The following FMN1 variants were observed in gnomAD, a reference collection of about 807,000 sequenced individuals.
FMN1 encodes formin 1, also known as formin-1.
Under a neutral mutation model 132.4 loss-of-function variants are expected in FMN1, and 110 were observed. The ratio of observed to expected loss-of-function variants is 0.83; its 90% CI spans 0.71 to 0.97. The LOEUF is 0.97. Ranked by LOEUF, FMN1 falls within the 50% of genes least tolerant of loss-of-function variation. The probability of loss-of-function intolerance (pLI) is 0.00; values close to 1 mark genes in which losing one functional copy is unlikely to be tolerated. For synonymous variants in FMN1, 722 were observed against 651.7 expected (o/e 1.11, Z -1.64); for missense variants, 1,792 against 1,705.3 (o/e 1.05, Z -0.90).
intron 6 of FMN1, chr15:33,063,135 A>C (rs1464050887): frequency 6.6e-6 from 1 of 152,254 alleles, no homozygotes; most frequent in Non-Finnish European, 1.5e-5. Flanking sequence ...GGGATCTTCT[A>C]CGTGCTTCTC....
intron 17 of FMN1, among the ~76,000 whole-genome samples, chr15:32,822,382 G>A (rs2058243007): frequency 6.6e-6 from 1 of 151,914 alleles, no homozygotes; most frequent in African/African-American, 2.4e-5. Context: ...GATGATCTAC[G>A]ATTAGTAATC....
At position 33,153,714 on chromosome 15, in the gene FMN1, C is replaced by T. The variant is rs903991723; in HGVS notation, c.1201G>A (p.Gly401Arg). Residue 401 changes from glycine to arginine, a missense_variant, in exon 4 of 21, where the codon GGG becomes AGG. Gly to Arg is a moderately radical substitution (Grantham distance 125). Coordinates refer to ENST00000616417, the MANE Select transcript of FMN1 (RefSeq NM_001277313.2). ...ACACTAGAAATGGAGGCTGTTTCCC[C>T]GGCTGGCGACTGCGATGACCTATCC... ...QGDRSSQSPA[G>R]ETASISSVSA... The T allele has an allele frequency of 1.1e-5, 17 of 1,536,174 alleles. No homozygotes were observed. Among genetic ancestry groups the T allele is most frequent in the Middle Eastern group, 1.7e-4 (1 of 6,012 alleles).
At chr15:32,930,219 C>T (rs2061076048) in intron 9 of FMN1, among the ~76,000 whole-genome samples, 1 of 151,912 alleles carries the variant, frequency 6.6e-6, no homozygotes, top group African/African-American at 2.4e-5. Context: ...TATCTCCTGA[C>T]CTCATGATCT....
At chr15:32,893,369 C>CGTGTGT (rs148715603) in intron 15 of FMN1, among the ~76,000 whole-genome samples, 1 of 150,172 alleles carries the variant, frequency 6.7e-6, no homozygotes, top group African/African-American at 2.5e-5. Context: ...GTTTTGATTG[C>CGTGTGT]GTGTGTGTGT....
chr15:32,870,724 C>G (rs1265215083), intron 16 of FMN1, among the ~76,000 whole-genome samples: 3 of 152,068 alleles, frequency 2.0e-5, no homozygotes, highest in Non-Finnish European at 4.4e-5. Flanking sequence ...CATGACGAGG[C>G]CTAAATATAG....
At chr15:33,108,912 A>G (rs772986284) in intron 4 of FMN1, among the ~76,000 whole-genome samples, 69 of 152,124 alleles carry the variant, frequency 4.5e-4, no homozygotes, top group Non-Finnish European at 9.4e-4. Context: ...AATATTGATT[A>G]CCACTCTGCC....
rs1201533076 is a variant in FMN1 at position 32,943,960 on chromosome 15, GA to G, written c.3139-17700del. Among the ~76,000 whole-genome samples the G allele has an allele frequency of 5.3e-5, 8 of 152,204 alleles. No individual in the cohort carries two copies. The South Asian group carries it at 1.5e-3, about 28-fold the overall frequency. On this transcript the variant is annotated intron_variant, in intron 9 of 20. Transcript: ENST00000616417. ...CCTATGGATACAGGCCTTATGCACA[GA>G]AAAAAATCATGGGGGAACCAACTGG...
intron 3 of FMN1, among the ~76,000 whole-genome samples, chr15:33,174,873 G>A (rs754864953): frequency 3.3e-5 from 5 of 152,172 alleles, no homozygotes; most frequent in East Asian, 1.9e-4. Flanking sequence ...AACAAGCCAA[G>A]TGCAATTCTT....
intron 4 of FMN1, among the ~76,000 whole-genome samples, chr15:33,126,552 G>C (rs557080727): frequency 2.6e-5 from 4 of 152,050 alleles, no homozygotes; most frequent in African/African-American, 9.6e-5. Flanking sequence ...AAACTCCATA[G>C]ATTTAGCTGA....
At chr15:33,045,674 C>T (rs1395174471) in intron 6 of FMN1, among the ~76,000 whole-genome samples, 2 of 152,142 alleles carry the variant, frequency 1.3e-5, no homozygotes, top group Non-Finnish European at 2.9e-5. Context: ...GGCTTGGATC[C>T]AGTTAGAGGC....
chr15:33,154,520 C>A lies in FMN1; in HGVS notation c.395G>T (p.Cys132Phe), dbSNP rs1387853365. The A allele has an allele frequency of 6.5e-7, 1 of 1,536,078 alleles. No individual in the cohort carries two copies. Among genetic ancestry groups the A allele is most frequent in the Non-Finnish European group, 8.7e-7 (1 of 1,146,898 alleles). The part of the protein sequence containing the change: ...LSVSLAPEDD[C>F]FQSAGDWQGE... ...CTGCCAGTCACCAGCACTCTGGAAA[C>A]AGTCATCCTCGGGGGCCAGGCTCAC... The change falls in exon 4 of 21, where the codon TGT becomes TTT. Residue 132 changes from cysteine (C) to phenylalanine (F), a missense_variant. Transcript: ENST00000616417.
intron 4 of FMN1, among the ~76,000 whole-genome samples, chr15:33,128,358 C>T (rs1267737610): frequency 2.6e-5 from 4 of 152,132 alleles, no homozygotes; most frequent in South Asian, 4.1e-4. Context: ...TTGACGATCT[C>T]AAGGATTCAC....
intron 19 of FMN1, among the ~76,000 whole-genome samples, chr15:32,777,473 T>A (rs571260263): frequency 7.0e-6 from 1 of 142,574 alleles, no homozygotes; most frequent in African/African-American, 2.5e-5. Flanking sequence ...TTACGTATAT[T>A]TATATATTAT....
In FMN1 at chr15:32,980,294, T is replaced by C. The variant is rs556323143; in HGVS notation, c.2224-10817A>G. 2.7e-5 allele frequency among the ~76,000 whole-genome samples: 4 copies of C among 150,066 alleles called. No homozygotes were observed. In the South Asian group the frequency reaches 8.4e-4, roughly 32 times the overall value. On this transcript the variant is annotated intron_variant, in intron 7 of 20. Coordinates refer to ENST00000616417, the MANE Select transcript of FMN1 (RefSeq NM_001277313.2). ...AATATTTTCTGCTAGAATTTGAGTG[T>C]CTAGGTCAGTTTGAAAAAAAAAAAA...
intron 3 of FMN1, among the ~76,000 whole-genome samples, chr15:33,167,899 G>A (rs1461526027): frequency 6.6e-6 from 1 of 152,208 alleles, no homozygotes; most frequent in Admixed American, 6.5e-5. Context: ...GAGGGGTCTT[G>A]CTGTCTCAGG....
chr15:32,842,789 T>C (rs1053383373), intron 17 of FMN1, among the ~76,000 whole-genome samples: 8 of 106,634 alleles, frequency 7.5e-5, no homozygotes, highest in African/African-American at 2.4e-4. Context: ...AACCTCAGCT[T>C]TTTTTTTTTT....
chr15:33,068,718 C>G (rs556342839), intron 5 of FMN1, among the ~76,000 whole-genome samples: 1 of 152,202 alleles, frequency 6.6e-6, no homozygotes. Context: ...ATAACCCACA[C>G]GACTGGTTTC....
At chr15:33,054,622 T>A (rs1055853624) in intron 6 of FMN1, among the ~76,000 whole-genome samples, 3 of 152,190 alleles carry the variant, frequency 2.0e-5, no homozygotes, top group African/African-American at 7.2e-5. Context: ...CTACATGAAA[T>A]GGTCGCAATA....
chr15:33,059,267 T>TAA lies in FMN1; in HGVS notation c.2161+5688_2161+5689dup, dbSNP rs71424688. Among the ~76,000 whole-genome samples, 102 of 152,276 alleles carry TAA rather than the reference T, an allele frequency of 6.7e-4. 1 individual carries two copies. Among genetic ancestry groups the TAA allele is most frequent in the African/African-American group, 2.4e-3 (100 of 41,558 alleles). The stretch of plus-strand genomic sequence containing the variant: ...TGATTGGTATTCCATTGTATATATA[T>TAA]AACATAGTTTATTTATCCATTCACC... On this transcript the variant is annotated intron_variant, in intron 6 of 20. Coordinates refer to ENST00000616417, the MANE Select transcript of FMN1 (RefSeq NM_001277313.2).
Sources: allele counts gnomAD v4.1 joint callset (sites outside exome capture counted in the v4.1 genomes callset), GRCh38; gene constraint gnomAD v4.1.1; transcripts MANE v1.5; gene names NCBI Gene and HGNC (gene_info 2026-07-23, HGNC 2026-07-21).